ATP2B2: variants seen among roughly 807,000 people sequenced by gnomAD.
ATP2B2 encodes the protein ATPase plasma membrane Ca2+ transporting 2.
A neutral mutation model predicts 120.0 loss-of-function variants in ATP2B2; 15 were observed. The observed-to-expected ratio is 0.12, with a 90% confidence interval of 0.08 to 0.19. The LOEUF is 0.19. Among genes scored for constraint, ATP2B2 ranks in the 10% least tolerant of loss-of-function variants. The pLI, the probability that ATP2B2 is intolerant of heterozygous loss-of-function variation, is 1.00. For synonymous variants in ATP2B2, 694 were observed against 700.3 expected, an observed-to-expected ratio of 0.99 and a Z score of 0.14; for missense variants, 1,045 against 1,719.8, an observed-to-expected ratio of 0.61 and a Z score of 6.94.
chr3:10,557,445 A>T (rs1320748551), intron 2 of ATP2B2, among the ~76,000 whole-genome samples: 1 of 152,150 alleles, frequency 6.6e-6, no homozygotes, highest in Non-Finnish European at 1.5e-5. Context: ...CTGCAGCATG[A>T]TGGAAGGAGG....
At chr3:10,567,018 G>A (rs750993345) in intron 2 of ATP2B2, among the ~76,000 whole-genome samples, 1 of 152,154 alleles carries the variant, frequency 6.6e-6, no homozygotes, top group African/African-American at 2.4e-5. Flanking sequence ...CCCATGCTTG[G>A]TTCTTGTGCC....
chr3:10,398,097 C>G (rs745942511), intron 5 of ATP2B2, among the ~76,000 whole-genome samples: 15 of 152,188 alleles, frequency 9.9e-5, no homozygotes, highest in Non-Finnish European at 1.8e-4. Context: ...TTTCTGGATC[C>G]TGACACTTGC....
chr3:10,499,454 C>T (rs1444360666), intron 1 of ATP2B2, among the ~76,000 whole-genome samples: 3 of 152,220 alleles, frequency 2.0e-5, no homozygotes, highest in Admixed American at 1.3e-4. Context: ...TCCCCTCCCA[C>T]GCATTACATG....
At chr3:10,595,849 T>G (rs951583451) in intron 2 of ATP2B2, among the ~76,000 whole-genome samples, 1 of 152,198 alleles carries the variant, frequency 6.6e-6, no homozygotes, top group African/African-American at 2.4e-5. Flanking sequence ...CAAGGCTCTA[T>G]GTGAACTGAC....
intron 1 of ATP2B2, among the ~76,000 whole-genome samples, chr3:10,632,483 A>G (rs2069894638): frequency 6.6e-6 from 1 of 152,250 alleles, no homozygotes; most frequent in Admixed American, 6.5e-5. Context: ...TCTAAGGCTC[A>G]GTGAAGTCAG....
At chr3:10,627,214 G>A (rs894100334) in intron 1 of ATP2B2, among the ~76,000 whole-genome samples, 5 of 152,186 alleles carry the variant, frequency 3.3e-5, no homozygotes, top group Non-Finnish European at 5.9e-5. Flanking sequence ...TCTAAGAGGC[G>A]GGTGCTTTCC....
chr3:10,461,499 C>T (rs183587301), intron 1 of ATP2B2, among the ~76,000 whole-genome samples: 3 of 152,344 alleles, frequency 2.0e-5, no homozygotes, highest in East Asian at 3.9e-4. Flanking sequence ...TCTCCTTCCT[C>T]TCCTGATAAA....
intron 2 of ATP2B2, among the ~76,000 whole-genome samples, chr3:10,572,819 T>C (rs1051699438): frequency 6.6e-6 from 1 of 152,114 alleles, no homozygotes; most frequent in African/African-American, 2.4e-5. Context: ...GTCTCTTCAT[T>C]GGGGGAAACT....
chr3:10,340,726 C>A lies in ATP2B2; in HGVS notation c.2918-22G>T. On this transcript the variant is annotated intron_variant, in intron 19 of 22. Coordinates refer to ENST00000360273, the MANE Select transcript of ATP2B2 (RefSeq NM_001001331.4). The surrounding 1 kb of genome is among the most constrained non-coding windows in gnomAD (Gnocchi z 5.0). ...TCGCCTGCCAAGTGAGAGAGTGGGG[C>A]TGGGCTGAAGGCAGTGGTGGGGGAA... 1 of 1,613,406 alleles carries A rather than the reference C, an allele frequency of 6.2e-7. No homozygotes were observed. The highest frequency in any genetic ancestry group is 8.5e-7 in the Non-Finnish European group (1 of 1,179,522).
rs569257730 is a variant in ATP2B2 at position 10,387,334 on chromosome 3, G to A, written c.908-822C>T. Among the ~76,000 whole-genome samples, 9 of 152,308 alleles carry A rather than the reference G, an allele frequency of 5.9e-5. No homozygotes were observed. The East Asian group carries it at 1.7e-3, about 29-fold the overall frequency. ...TCAGGAACAAGTAATCTTCAGTCTC[G>A]ACCTAAGCTCTGTGCCTGATTAGCC... On this transcript the variant is annotated intron_variant, in intron 6 of 22. Transcript: ENST00000360273.
chr3:10,597,585 C>T (rs2068804196), intron 2 of ATP2B2, among the ~76,000 whole-genome samples: 1 of 152,182 alleles, frequency 6.6e-6, no homozygotes, highest in African/African-American at 2.4e-5. Context: ...TGCCCCCTCA[C>T]CCCTATAGCC....
At chr3:10,623,390 G>A (rs1214010428) in intron 1 of ATP2B2, among the ~76,000 whole-genome samples, 2 of 152,028 alleles carry the variant, frequency 1.3e-5, no homozygotes, top group Non-Finnish European at 2.9e-5. Flanking sequence ...AACCAAACAA[G>A]GAAGAATAAA....
At chr3:10,453,333 T>G (rs2064132422) in intron 1 of ATP2B2, among the ~76,000 whole-genome samples, 1 of 152,246 alleles carries the variant, frequency 6.6e-6, no homozygotes, top group Non-Finnish European at 1.5e-5. Context: ...CAGAACATAG[T>G]CAGCACTCAA....
chr3:10,529,999 T>A (rs1172769003), intron 3 of ATP2B2, among the ~76,000 whole-genome samples: 5 of 152,160 alleles, frequency 3.3e-5, no homozygotes, highest in Non-Finnish European at 7.3e-5. Context: ...AACCAAGCCC[T>A]CTGACACCTT....
intron 1 of ATP2B2, among the ~76,000 whole-genome samples, chr3:10,663,230 TATAATA>T (rs139249355): frequency 2.0e-5 from 3 of 150,378 alleles, no homozygotes; most frequent in South Asian, 2.1e-4. Flanking sequence ...GAATTTAAAG[TATAATA>T]ATAATAATAA....
intron 1 of ATP2B2, among the ~76,000 whole-genome samples, chr3:10,683,769 T>TATAA (rs2071446592): frequency 1.4e-5 from 1 of 73,052 alleles, no homozygotes; most frequent in African/African-American, 8.3e-5. Flanking sequence ...TGTATATATA[T>TATAA]ATATATATAT....
intron 14 of ATP2B2, among the ~76,000 whole-genome samples, chr3:10,358,094 T>C (rs2060792362): frequency 6.6e-6 from 1 of 152,208 alleles, no homozygotes; most frequent in South Asian, 2.1e-4. Context: ...TGCTGGAGAA[T>C]GTGACCTTAA....
intron 2 of ATP2B2, among the ~76,000 whole-genome samples, chr3:10,574,335 C>T (rs1174807115): frequency 3.3e-5 from 5 of 152,160 alleles, no homozygotes; most frequent in Non-Finnish European, 5.9e-5. Context: ...AGCTGTGCCC[C>T]GGGAGGCCCC....
chr3:10,669,422 C>T (rs2071035434), intron 1 of ATP2B2, among the ~76,000 whole-genome samples: 1 of 152,300 alleles, frequency 6.6e-6, no homozygotes, highest in African/African-American at 2.4e-5. Context: ...CCCCGCTCCA[C>T]CCTCCTTTCT....
Sources: allele counts gnomAD v4.1 joint callset (sites outside exome capture counted in the v4.1 genomes callset), GRCh38; gene constraint gnomAD v4.1.1; non-coding constraint Gnocchi (gnomAD v3.1); transcripts MANE v1.5; gene names NCBI Gene and HGNC (gene_info 2026-07-23, HGNC 2026-07-21).